Variants in GUCY1A2 observed in about 807,000 individuals in gnomAD.
GUCY1A2 encodes the protein guanylate cyclase soluble subunit alpha-2.
A neutral mutation model predicts 63.5 loss-of-function variants in GUCY1A2; 27 were observed. The ratio of observed to expected loss-of-function variants is 0.43; its 90% CI spans 0.31 to 0.59. The LOEUF is 0.59. GUCY1A2 is among the 20% of genes least tolerant of loss of function. GUCY1A2 has a pLI of 0.11. For missense variants in GUCY1A2, 768 were observed against 913.3 expected (o/e 0.84, Z 2.05); for synonymous variants, 364 against 343.5 (o/e 1.06, Z -0.66).
In GUCY1A2 at chr11:106,683,437, G is replaced by A. The variant is rs747510486; in HGVS notation, c.*4112C>T. 2 of 225,946 alleles carry A rather than the reference G, an allele frequency of 8.9e-6. No individual in the cohort carries two copies. Among genetic ancestry groups the A allele is most frequent in the African/African-American group, 4.4e-5 (2 of 44,970 alleles). The allele number at this position is 225,946 out of a possible 1,614,324, so 14.0% of individuals were successfully genotyped here. On this transcript the variant is annotated 3_prime_UTR_variant, in exon 8 of 8. Transcript: ENST00000526355. ...GCTTGGAGTCAGACTGTGTTTTGAAGAAAGAGCAGAGGGTGAAGCTGCAGA... is the reference window on the plus strand; with the variant it reads ...GCTTGGAGTCAGACTGTGTTTTGAAAAAAGAGCAGAGGGTGAAGCTGCAGA...
chr11:106,724,122 T>A (rs939881885), intron 6 of GUCY1A2, among the ~76,000 whole-genome samples: 3 of 152,180 alleles, frequency 2.0e-5, no homozygotes, highest in Non-Finnish European at 2.9e-5. Flanking sequence ...GGCACCTGCC[T>A]TGTGGAATTA....
chr11:106,877,703 G>A (rs1281670925), intron 4 of GUCY1A2, among the ~76,000 whole-genome samples: 2 of 152,072 alleles, frequency 1.3e-5, no homozygotes, highest in African/African-American at 4.8e-5. Context: ...TACCATTCTG[G>A]ACACAGGAAT....
chr11:106,883,055 A>G (rs1374351487), intron 4 of GUCY1A2, among the ~76,000 whole-genome samples: 1 of 152,100 alleles, frequency 6.6e-6, no homozygotes, highest in African/African-American at 2.4e-5. Context: ...AGAAATAAAA[A>G]TTATATTTGC....
chr11:106,958,830 T>C (rs1445656681), intron 3 of GUCY1A2, among the ~76,000 whole-genome samples: 3 of 152,224 alleles, frequency 2.0e-5, no homozygotes, highest in African/African-American at 7.2e-5. Flanking sequence ...TTTATTCTTC[T>C]TCACTAGCAT....
At chr11:106,789,073 T>C (rs1436649033) in intron 5 of GUCY1A2, among the ~76,000 whole-genome samples, 1 of 152,212 alleles carries the variant, frequency 6.6e-6, no homozygotes, top group South Asian at 2.1e-4. Context: ...CTTCAAAACA[T>C]GAAATATATT....
At chr11:106,938,330 A>G (rs1860706513) in intron 4 of GUCY1A2, among the ~76,000 whole-genome samples, 1 of 152,192 alleles carries the variant, frequency 6.6e-6, no homozygotes. Context: ...TGCTGTATAA[A>G]ATCCTCAAAA....
Position 106,939,456 on chromosome 11 carries a change from T to C in GUCY1A2, c.1206+4A>G. 2 of 1,501,448 alleles carry C rather than the reference T, an allele frequency of 1.3e-6. No individual in the cohort carries two copies. The highest frequency in any genetic ancestry group is 1.8e-6 in the Non-Finnish European group (2 of 1,081,356). 93.0% of individuals were successfully genotyped at this position (1,501,448 alleles called of 1,614,324 possible). On this transcript the variant is annotated splice_donor_region_variant and intron_variant, in intron 4 of 7. Transcript: ENST00000526355. ...CATCACCATCTCAAGTCCATAGCACTTACCTTGTCTTTATTTTCAGAGCCA... is the reference window on the plus strand; with the variant it reads ...CATCACCATCTCAAGTCCATAGCACCTACCTTGTCTTTATTTTCAGAGCCA...
At chr11:106,787,595 A>AAGGGG (rs1565289908) in intron 5 of GUCY1A2, among the ~76,000 whole-genome samples, 2 of 87,808 alleles carry the variant, frequency 2.3e-5, no homozygotes, top group Non-Finnish European at 5.0e-5. Flanking sequence ...AAAGGAAGGG[A>AAGGGG]AGGGAAAAAG....
chr11:106,898,318 A>G (rs1332001814), intron 4 of GUCY1A2, among the ~76,000 whole-genome samples: 8 of 152,228 alleles, frequency 5.3e-5, no homozygotes, highest in Admixed American at 5.2e-4. Flanking sequence ...TACTCTTACC[A>G]TATGATACAG....
At chr11:106,887,212 G>A (rs1045844678) in intron 4 of GUCY1A2, among the ~76,000 whole-genome samples, 4 of 152,036 alleles carry the variant, frequency 2.6e-5, no homozygotes, top group South Asian at 2.1e-4. Context: ...TATAATCATC[G>A]AGTATATTAG....
intron 5 of GUCY1A2, among the ~76,000 whole-genome samples, chr11:106,802,807 C>T (rs1338924008): frequency 6.6e-6 from 1 of 152,038 alleles, no homozygotes; most frequent in African/African-American, 2.4e-5. Flanking sequence ...ATTGAAGTCC[C>T]CACCTTCAAG....
chr11:106,777,624 G>A (rs1208557786), intron 5 of GUCY1A2, among the ~76,000 whole-genome samples: 1 of 121,582 alleles, frequency 8.2e-6, no homozygotes, highest in East Asian at 2.7e-4. Context: ...AGTAGGAGTT[G>A]AACAATGAGA....
rs2220376 is a variant in GUCY1A2 at position 106,730,913 on chromosome 11, T to A, written c.1837-22247A>T. 8.6e-5 allele frequency among the ~76,000 whole-genome samples: 13 copies of A among 152,004 alleles called. No individual in the cohort carries two copies. The East Asian group carries it at 1.4e-3, about 16-fold the overall frequency. The stretch of plus-strand genomic sequence containing the variant: ...TATGCTTATTGGCCATGTGTATGTC[T>A]TCTTTTGAAAAGTGTCTGTTTGTGT... On this transcript the variant is annotated intron_variant, in intron 6 of 7. Transcript: ENST00000526355.
intron 1 of GUCY1A2, among the ~76,000 whole-genome samples, chr11:106,989,195 C>T (rs2120149206): frequency 6.6e-6 from 1 of 152,300 alleles, no homozygotes; most frequent in South Asian, 2.1e-4. Flanking sequence ...CTCTTATGTG[C>T]ATCTGTCCTT....
chr11:106,923,137 G>A (rs939383656), intron 4 of GUCY1A2, among the ~76,000 whole-genome samples: 24 of 152,146 alleles, frequency 1.6e-4, no homozygotes, highest in Non-Finnish European at 3.1e-4. Context: ...GTATATTGGA[G>A]AAATATTGTT....
At chr11:106,943,249 G>A (rs183326110) in intron 3 of GUCY1A2, among the ~76,000 whole-genome samples, 8 of 152,210 alleles carry the variant, frequency 5.3e-5, no homozygotes, top group South Asian at 2.1e-4. Context: ...CCAAAGTTCC[G>A]CCTACGATTG....
chr11:106,684,777 A>G lies in GUCY1A2; in HGVS notation c.*2772T>C, dbSNP rs1176476211. On this transcript the variant is annotated 3_prime_UTR_variant, in exon 8 of 8. Coordinates refer to ENST00000526355, the MANE Select transcript of GUCY1A2 (RefSeq NM_000855.3). ...TTGGTTTCTAAGGGAACATCACACAAATTTCTTGTATCTGCCATACTAAAA... is the reference window on the plus strand; with the variant it reads ...TTGGTTTCTAAGGGAACATCACACAGATTTCTTGTATCTGCCATACTAAAA... 4.8e-6 allele frequency: 1 copy of G among 207,938 alleles called. No homozygotes were observed. The highest frequency in any genetic ancestry group is 9.8e-6 in the Non-Finnish European group (1 of 102,016). 12.9% of individuals were successfully genotyped at this position (207,938 alleles called of 1,614,324 possible). A position where few individuals can be genotyped will look rare whatever the true frequency, so the allele number is the denominator to read the frequency against.
chr11:106,687,554 G>C lies in GUCY1A2; in HGVS notation c.2194C>G (p.Leu732Val), dbSNP rs750636548. The C allele has an allele frequency of 1.9e-6, 3 of 1,612,376 alleles. No individual in the cohort carries two copies. Among genetic ancestry groups the C allele is most frequent in the Non-Finnish European group, 2.5e-6 (3 of 1,178,494 alleles). ...TCTTTGATCTGTAGCAGGTCTCAGA[G>C]GCTTGTCTCCCGGAGGAACATGGTG... ...IGTMFLRETS[L>V] Residue 732 changes from leucine to valine, a missense_variant, in exon 8 of 8, where the codon CTC becomes GTC. Physicochemically the swap from Leu to Val is conservative, Grantham distance 32 (BLOSUM62 1). Coordinates refer to ENST00000526355, the MANE Select transcript of GUCY1A2 (RefSeq NM_000855.3).
chr11:106,867,863 C>T (rs1163240413), intron 4 of GUCY1A2, among the ~76,000 whole-genome samples: 2 of 151,952 alleles, frequency 1.3e-5, no homozygotes, highest in Non-Finnish European at 2.9e-5. Flanking sequence ...CATGGTAGCT[C>T]AGTGCTAGTA....
Sources: gnomAD v4.1 joint callset for allele counts (sites outside exome capture counted in the v4.1 genomes callset) on GRCh38, gnomAD v4.1.1 for gene constraint, MANE v1.5 for transcripts, NCBI Gene and HGNC (gene_info 2026-07-23, HGNC 2026-07-21) for gene names.